NKAIN3: variants seen among roughly 807,000 people sequenced by gnomAD.
NKAIN3 encodes the protein sodium/potassium transporting ATPase interacting 3.
In NKAIN3, 25 loss-of-function variants were observed where a neutral mutation model predicts 30.2. That is an observed-to-expected ratio of 0.83 (90% CI 0.60 to 1.16). The LOEUF is 1.16. Among genes scored for constraint, NKAIN3 ranks in the 50% most tolerant of loss-of-function variants. The probability of loss-of-function intolerance (pLI) is 0.00; values close to 1 mark genes in which losing one functional copy is unlikely to be tolerated. For synonymous variants in NKAIN3, 91 were observed against 89.6 expected (o/e 1.02, Z -0.09); for missense variants, 225 against 254.1 (o/e 0.89, Z 0.78).
chr8:62,975,667 T>C lies in NKAIN3; in HGVS notation c.*10260T>C, dbSNP rs1396199398. Reference sequence around the variant, plus strand: ...GTTTTTCGTATCTCTTTCAGTTCTGTTCTGATCTTAGTTATTTCTTGTCTT... The same window carrying C: ...GTTTTTCGTATCTCTTTCAGTTCTGCTCTGATCTTAGTTATTTCTTGTCTT... On this transcript the variant is annotated 3_prime_UTR_variant, in exon 7 of 7. Transcript: ENST00000623646. Among the ~76,000 whole-genome samples, 58 of 152,086 alleles carry C rather than the reference T, an allele frequency of 3.8e-4. No individual in the cohort carries two copies. Among genetic ancestry groups the C allele is most frequent in the Non-Finnish European group, 5.9e-5 (4 of 67,982 alleles).
chr8:62,428,836 A>G (rs1335173965), intron 1 of NKAIN3, among the ~76,000 whole-genome samples: 2 of 151,766 alleles, frequency 1.3e-5, no homozygotes, highest in African/African-American at 4.8e-5. Context: ...GCTTGATGAA[A>G]TCTTGTTTGT....
At chr8:62,950,110 C>T (rs1823240844) in intron 5 of NKAIN3, among the ~76,000 whole-genome samples, 1 of 152,102 alleles carries the variant, frequency 6.6e-6, no homozygotes, top group South Asian at 2.1e-4. Context: ...CTGCCTTTCC[C>T]CAAACATAAT....
intron 1 of NKAIN3, among the ~76,000 whole-genome samples, chr8:62,304,878 G>C (rs532046623): frequency 6.6e-6 from 1 of 150,510 alleles, no homozygotes; most frequent in East Asian, 1.9e-4. Context: ...ATCGATTTTG[G>C]GTGGACCAAA....
At chr8:62,811,038 T>A (rs1818469149) in intron 4 of NKAIN3, among the ~76,000 whole-genome samples, 1 of 152,024 alleles carries the variant, frequency 6.6e-6, no homozygotes, top group Non-Finnish European at 1.5e-5. Flanking sequence ...TATAACTATA[T>A]CCCCTTCCTC....
chr8:62,446,493 A>G (rs906900621), intron 1 of NKAIN3, among the ~76,000 whole-genome samples: 1 of 152,100 alleles, frequency 6.6e-6, no homozygotes, highest in African/African-American at 2.4e-5. Flanking sequence ...AATTTTAACC[A>G]TTTTTAAGTG....
intron 3 of NKAIN3, among the ~76,000 whole-genome samples, chr8:62,725,879 GA>G (rs2130529667): frequency 6.6e-6 from 1 of 152,058 alleles, no homozygotes. Context: ...TCTATATGAA[GA>G]ATGTCATTGA....
rs200143801 is a variant in NKAIN3 at position 62,976,044 on chromosome 8, G to A, written c.*10637G>A. ...CTAACTTGATTGCACTGTGGTCTGAGAGACTGTTTGTTATGGTTTTCATTC... is the reference window on the plus strand; with the variant it reads ...CTAACTTGATTGCACTGTGGTCTGAAAGACTGTTTGTTATGGTTTTCATTC... On this transcript the variant is annotated 3_prime_UTR_variant, in exon 7 of 7. Transcript: ENST00000623646. 8.2e-6 allele frequency among the ~76,000 whole-genome samples: 1 copy of A among 121,614 alleles called. No individual in the cohort carries two copies. The highest frequency in any genetic ancestry group is 1.8e-5 in the Non-Finnish European group (1 of 55,708). 79.8% of individuals were successfully genotyped at this position (121,614 alleles called of 152,430 possible). A position where few individuals can be genotyped will look rare whatever the true frequency, so the allele number is the denominator to read the frequency against.
chr8:62,869,899 G>A (rs1359699880), intron 4 of NKAIN3, among the ~76,000 whole-genome samples: 1 of 152,004 alleles, frequency 6.6e-6, no homozygotes, highest in African/African-American at 2.4e-5. Flanking sequence ...CCCCCGAAGT[G>A]GCTGGGACTA....
At chr8:62,987,207 C>A (rs1018213282), downstream of NKAIN3, among the ~76,000 whole-genome samples, 18 of 151,814 alleles carry the variant, frequency 1.2e-4, no homozygotes, top group African/African-American at 4.1e-4. Flanking sequence ...GCCAACATGA[C>A]AAGACCACGT....
At chr8:62,779,831 AAC>A (rs1298445431) in intron 4 of NKAIN3, among the ~76,000 whole-genome samples, 1 of 152,148 alleles carries the variant, frequency 6.6e-6, no homozygotes, top group Admixed American at 6.6e-5. Context: ...TATAGTAATA[AAC>A]AACTACATCA....
At chr8:62,704,898 AT>A (rs1296882034) in intron 3 of NKAIN3, among the ~76,000 whole-genome samples, 2 of 152,196 alleles carry the variant, frequency 1.3e-5, no homozygotes, top group Non-Finnish European at 2.9e-5. Flanking sequence ...TAAATGATTA[AT>A]AGAAGGAATC....
intron 3 of NKAIN3, among the ~76,000 whole-genome samples, chr8:62,734,142 G>A (rs1218745190): frequency 6.6e-6 from 1 of 152,160 alleles, no homozygotes; most frequent in Non-Finnish European, 1.5e-5. Flanking sequence ...AATCAGCCAA[G>A]TGTGGTGGTG....
intron 4 of NKAIN3, among the ~76,000 whole-genome samples, chr8:62,777,941 T>C (rs914233386): frequency 6.6e-6 from 1 of 152,154 alleles, no homozygotes; most frequent in African/African-American, 2.4e-5. Flanking sequence ...CCCCATATTG[T>C]AGCACTTGAA....
chr8:62,451,407 AGCCTTTT>A (rs992578916), intron 1 of NKAIN3, among the ~76,000 whole-genome samples: 3 of 151,162 alleles, frequency 2.0e-5, no homozygotes, highest in African/African-American at 7.3e-5. Flanking sequence ...GAATTCAGAT[AGCCTTTT>A]GTCAAATGTC....
At chr8:62,413,136 A>C (rs1804314423) in intron 1 of NKAIN3, among the ~76,000 whole-genome samples, 1 of 152,178 alleles carries the variant, frequency 6.6e-6, no homozygotes, top group African/African-American at 2.4e-5. Flanking sequence ...TTAAAAAGTC[A>C]AAACCGACAG....
At chr8:62,747,368 G>A (rs1270218399) in intron 4 of NKAIN3, among the ~76,000 whole-genome samples, 1 of 152,152 alleles carries the variant, frequency 6.6e-6, no homozygotes, top group Non-Finnish European at 1.5e-5. Context: ...TTAAGATACA[G>A]TCCACACTAT....
chr8:62,939,057 A>G (rs958315973), intron 5 of NKAIN3, among the ~76,000 whole-genome samples: 11 of 152,186 alleles, frequency 7.2e-5, no homozygotes, highest in Non-Finnish European at 1.3e-4. Flanking sequence ...CAAATTTTAA[A>G]ACAATCACAA....
chr8:62,791,346 G>A (rs755570152), intron 4 of NKAIN3, among the ~76,000 whole-genome samples: 1 of 152,114 alleles, frequency 6.6e-6, no homozygotes, highest in Non-Finnish European at 1.5e-5. Context: ...CACATTTTCT[G>A]TCCAGAGCAA....
chr8:62,399,320 ACATGGTGAAACCC>A (rs1371310537), intron 1 of NKAIN3, among the ~76,000 whole-genome samples: 2 of 152,116 alleles, frequency 1.3e-5, no homozygotes, highest in Non-Finnish European at 2.9e-5. Context: ...AGCCTGGCCA[ACATGGTGAAACCC>A]CATCTCTACT....
Sources: gnomAD v4.1 joint callset for allele counts (sites outside exome capture counted in the v4.1 genomes callset) on GRCh38, gnomAD v4.1.1 for gene constraint, MANE v1.5 for transcripts, NCBI Gene and HGNC (gene_info 2026-07-23, HGNC 2026-07-21) for gene names.